HOXA3: variants seen among roughly 807,000 people sequenced by gnomAD.
HOXA3 encodes the protein homeobox protein Hox-A3.
A neutral mutation model predicts 30.3 loss-of-function variants in HOXA3; 8 were observed. The ratio of observed to expected loss-of-function variants is 0.26; its 90% CI spans 0.15 to 0.48. The LOEUF (loss-of-function observed/expected upper bound fraction) is 0.48, where lower values mean the gene tolerates loss of function less well. Among genes scored for constraint, HOXA3 ranks in the 20% least tolerant of loss-of-function variants. The probability of loss-of-function intolerance (pLI) is 0.99; values close to 1 mark genes in which losing one functional copy is unlikely to be tolerated. For synonymous variants in HOXA3, 323 were observed against 273.1 expected (o/e 1.18, Z -1.80); for missense variants, 653 against 614.4 (o/e 1.06, Z -0.66).
At chr7:27,148,123 C>T (rs964077096) in intron 1 of HOXA3, among the ~76,000 whole-genome samples, 33 of 152,380 alleles carry the variant, frequency 2.2e-4, no homozygotes, top group South Asian at 1.7e-3. Flanking sequence ...GCCTCAAAGG[C>T]CCCGCCAGGT....
At chr7:27,145,242 C>T (rs1189273467) in intron 1 of HOXA3, among the ~76,000 whole-genome samples, 3 of 152,186 alleles carry the variant, frequency 2.0e-5, no homozygotes, top group African/African-American at 4.8e-5. Context: ...GACGCCCAGA[C>T]ACGAAACGGG....
intron 2 of HOXA3, chr7:27,130,740 G>A (rs1404805234): frequency 6.2e-7 from 1 of 1,602,808 alleles, no homozygotes; most frequent in South Asian, 1.1e-5. Context: ...TCATTAATTT[G>A]TGAAGTGCAA....
chr7:27,142,088 G>A, intron 1 of HOXA3: 1 of 1,611,846 alleles, frequency 6.2e-7, no homozygotes, highest in Non-Finnish European at 8.5e-7. Flanking sequence ...TATGTTGTCT[G>A]CAATAGAAAA....
In HOXA3 at chr7:27,108,319, C is replaced by A. The variant is rs552448449; in HGVS notation, c.928G>T (p.Ala310Ser). The stretch of plus-strand genomic sequence containing the variant: ...CTGGGCAGGGACGCAGGGTAGGAGG[C>A]GGGGGGCAGCCCGTAGGTACCCTGG... ...PPQGTYGLPP[A>S]SYPASLPSCA... Residue 310 changes from alanine (A) to serine (S), a missense_variant, in exon 6 of 6, where the codon GCC becomes TCC. Ala to Ser is a moderately conservative substitution (Grantham distance 99). Around this residue, in one of 3 missense-constraint regions of HOXA3, gnomAD observed 330 missense variants for 274.4 expected, o/e 1.20. Coordinates refer to ENST00000612286, the MANE Select transcript of HOXA3 (RefSeq NM_153631.3). This position sits in a 1 kb window ranked among gnomAD's most constrained non-coding sequence, Gnocchi z 5.0. 3.3e-6 allele frequency: 5 copies of A among 1,502,172 alleles called. No homozygotes were observed. The highest frequency in any genetic ancestry group is 1.4e-5 in the African/African-American group (1 of 69,780). 93.1% of individuals were successfully genotyped at this position (1,502,172 alleles called of 1,614,324 possible). A position where few individuals can be genotyped will look rare whatever the true frequency, so the allele number is the denominator to read the frequency against.
chr7:27,119,567 C>A (rs1362798968), intron 4 of HOXA3: 1 of 152,218 alleles, frequency 6.6e-6, no homozygotes, highest in Non-Finnish European at 1.5e-5. Context: ...AGTTTCTGAA[C>A]TTCTGAGAGT....
rs964435594 is a variant in HOXA3 at position 27,140,135 on chromosome 7, A to C, written c.-442T>G. 1.3e-5 allele frequency: 2 copies of C among 152,108 alleles called. No homozygotes were observed. The highest frequency in any genetic ancestry group is 4.8e-5 in the African/African-American group (2 of 41,394). The allele number at this position is 152,108 out of a possible 1,614,324, so 9.4% of individuals were successfully genotyped here. On this transcript the variant is annotated 5_prime_UTR_variant, in exon 2 of 6. Transcript: ENST00000612286. ...AGAGTTTTGAGAACTTGTGGTTTGGACACTTCTGGACCTAAAATTGACAGT... is the reference window on the plus strand; with the variant it reads ...AGAGTTTTGAGAACTTGTGGTTTGGCCACTTCTGGACCTAAAATTGACAGT...
rs538368534 is a variant in HOXA3, at chr7:27,152,231, C to T, written c.-494+57G>A. 58 of 1,178,670 alleles carry T rather than the reference C, an allele frequency of 4.9e-5. No homozygotes were observed. In the South Asian group the frequency reaches 6.9e-4, roughly 14 times the overall value. The allele number at this position is 1,178,670 out of a possible 1,614,324, so 73.0% of individuals were successfully genotyped here. A position where few individuals can be genotyped will look rare whatever the true frequency, so the allele number is the denominator to read the frequency against. ...CCCTGGGTGCCCTCTCCCACCGCTA[C>T]CGCCGCCGGCTGTCGCCTCACCACC... On this transcript the variant is annotated intron_variant, in intron 1 of 5. Transcript: ENST00000612286.
intron 2 of HOXA3, among the ~76,000 whole-genome samples, chr7:27,138,490 G>T (rs1785781701): frequency 6.6e-6 from 1 of 152,176 alleles, no homozygotes; most frequent in African/African-American, 2.4e-5. Context: ...AAGGAGAAAA[G>T]CAGATCCTAT....
At chr7:27,127,572 G>C (rs1030976442) in intron 2 of HOXA3, among the ~76,000 whole-genome samples, 1 of 152,196 alleles carries the variant, frequency 6.6e-6, no homozygotes, top group Non-Finnish European at 1.5e-5. Flanking sequence ...ACTTTTTCAA[G>C]GCCAGGTGAC....
In HOXA3 at chr7:27,152,305, C is replaced by G; in HGVS notation, c.-511G>C. On this transcript the variant is annotated 5_prime_UTR_variant, in exon 1 of 6. Transcript: ENST00000612286. ...TGTCTCACCTTCAGACGGTGGCTCC[C>G]AGAAGCTCCTGCCCCTCTGACAGCT... 1 of 1,278,222 alleles carries G rather than the reference C, an allele frequency of 7.8e-7. No individual in the cohort carries two copies. Among genetic ancestry groups the G allele is most frequent in the South Asian group, 1.3e-5 (1 of 79,774 alleles). The allele number at this position is 1,278,222 out of a possible 1,614,324, so 79.2% of individuals were successfully genotyped here.
chr7:27,151,694 GT>G, intron 1 of HOXA3: 4 of 456,606 alleles, frequency 8.8e-6, no homozygotes, highest in South Asian at 6.2e-5. Flanking sequence ...AAGTTTTTCT[GT>G]TTCCCCCTTC....
At chr7:27,151,576 A>T (rs943984177) in intron 1 of HOXA3, 2 of 456,518 alleles carry the variant, frequency 4.4e-6, no homozygotes, top group African/African-American at 4.0e-5. Context: ...CCAACACAGA[A>T]TTCCACCCAC....
At chr7:27,141,875 C>T in intron 1 of HOXA3, 1 of 1,614,222 alleles carries the variant, frequency 6.2e-7, no homozygotes, top group East Asian at 2.2e-5. Flanking sequence ...CATGCTCATG[C>T]TTTTCAGCTT....
At chr7:27,129,375 C>A (rs368107858) in intron 2 of HOXA3, 4 of 1,614,050 alleles carry the variant, frequency 2.5e-6, no homozygotes, top group Non-Finnish European at 3.4e-6. Flanking sequence ...TGTGGTCTTT[C>A]TTCCACTTCA....
chr7:27,145,870 G>C, intron 1 of HOXA3: 2 of 1,614,202 alleles, frequency 1.2e-6, no homozygotes, highest in Non-Finnish European at 1.7e-6. Flanking sequence ...GTCTGGTAGC[G>C]CGTGTAGGTC....
chr7:27,129,344 G>A (rs1383100158), intron 2 of HOXA3: 1 of 1,614,186 alleles, frequency 6.2e-7, no homozygotes, highest in Non-Finnish European at 8.5e-7. Flanking sequence ...TTGGAGGATC[G>A]CATCTTGGTG....
At chr7:27,134,225 C>G (rs909531419) in intron 2 of HOXA3, 1 of 152,226 alleles carries the variant, frequency 6.6e-6, no homozygotes, top group East Asian at 1.9e-4. Flanking sequence ...AGGAACAACA[C>G]TTTACCAGCC....
intron 1 of HOXA3, among the ~76,000 whole-genome samples, chr7:27,140,735 G>A (rs1420250532): frequency 6.7e-6 from 1 of 148,196 alleles, no homozygotes; most frequent in Non-Finnish European, 1.5e-5. Context: ...TGGCCTGAGG[G>A]CGGCTAACAA....
At chr7:27,118,078 G>T (rs1784818073) in intron 4 of HOXA3, among the ~76,000 whole-genome samples, 1 of 152,244 alleles carries the variant, frequency 6.6e-6, no homozygotes, top group South Asian at 2.1e-4. Flanking sequence ...ATGAGCCAGG[G>T]TCTCCTCGCC....
Sources: gnomAD v4.1 joint callset for allele counts (sites outside exome capture counted in the v4.1 genomes callset) on GRCh38, gnomAD v4.1.1 for gene constraint, gnomAD v4.1.1 regional missense constraint, Gnocchi (gnomAD v3.1) non-coding constraint, MANE v1.5 for transcripts, NCBI Gene and HGNC (gene_info 2026-07-23, HGNC 2026-07-21) for gene names.